Variants in MAOA observed in about 807,000 individuals in gnomAD.
MAOA encodes the protein monoamine oxidase A.
In MAOA, 6 loss-of-function variants were observed where a neutral mutation model predicts 42.0. That is an observed-to-expected ratio of 0.14 (90% confidence interval 0.08 to 0.28). The LOEUF is 0.28. MAOA is among the 10% of genes least tolerant of loss of function. MAOA has a pLI of 1.00. For missense variants in MAOA, 262 were observed against 422.3 expected (o/e 0.62, Z 3.33); for synonymous variants, 140 against 154.0 (o/e 0.91, Z 0.67).
chrX:43,664,921 G>A (rs1322030175), intron 1 of MAOA, among the ~76,000 whole-genome samples: 2 of 111,914 alleles, frequency 1.8e-5, no homozygotes, highest in African/African-American at 3.2e-5. Flanking sequence ...GTGCAGTTAT[G>A]TAAGAATTCT....
chrX:43,680,113 T>C (rs1022721175), intron 1 of MAOA, among the ~76,000 whole-genome samples: 4 of 112,017 alleles, frequency 3.6e-5, no homozygotes, highest in African/African-American at 6.5e-5. Context: ...AGTAGTGTAC[T>C]TGAAGGGCTC....
intron 1 of MAOA, among the ~76,000 whole-genome samples, chrX:43,666,829 G>A (rs1163671356): frequency 9.1e-6 from 1 of 110,168 alleles, no homozygotes; most frequent in African/African-American, 3.3e-5. Flanking sequence ...TAGCCTTACT[G>A]GTCTTTGAGC....
chrX:43,667,731 T>C (rs1314335477), intron 1 of MAOA, among the ~76,000 whole-genome samples: 2 of 111,547 alleles, frequency 1.8e-5, no homozygotes, highest in Non-Finnish European at 3.8e-5. Flanking sequence ...AAGATGACTC[T>C]TCATTCCACT....
intron 5 of MAOA, among the ~76,000 whole-genome samples, chrX:43,717,923 C>A (rs754239286): frequency 9.1e-6 from 1 of 109,459 alleles, no homozygotes; most frequent in East Asian, 2.9e-4. Flanking sequence ...GGAGACAAGG[C>A]AGACTGTATA....
intron 9 of MAOA, among the ~76,000 whole-genome samples, chrX:43,735,919 A>G (rs373368861): frequency 8.8e-6 from 1 of 113,062 alleles, no homozygotes; most frequent in East Asian, 2.8e-4. Context: ...TTACCAGAAT[A>G]ATCATTTAGC....
At chrX:43,701,664 A>G (rs986719750) in intron 3 of MAOA, among the ~76,000 whole-genome samples, 11 of 112,003 alleles carry the variant, frequency 9.8e-5, no homozygotes, top group Non-Finnish European at 1.7e-4. Flanking sequence ...GGGTTAAGTC[A>G]GACACAAAGG....
intron 7 of MAOA, 92 bp from the exon 8 acceptor site, chrX:43,731,602 T>G: frequency 1.0e-6 from 1 of 960,848 alleles, no homozygotes; most frequent in Non-Finnish European, 1.5e-6. Context: ...TACTGCTCAA[T>G]GTTGTTTAGA....
intron 5 of MAOA, among the ~76,000 whole-genome samples, chrX:43,727,022 TTGC>T (rs1226483813): frequency 1.8e-5 from 2 of 111,927 alleles, no homozygotes; most frequent in Admixed American, 9.4e-5. Flanking sequence ...ACAGCAACTA[TTGC>T]TGCCTGATCC....
chrX:43,720,966 A>C (rs1292031090), intron 5 of MAOA, among the ~76,000 whole-genome samples: 1 of 111,057 alleles, frequency 9.0e-6, no homozygotes, highest in Non-Finnish European at 1.9e-5. Context: ...AATGAGACAC[A>C]CTTGCTGAGG....
chrX:43,690,099 A>G (rs911530298), intron 2 of MAOA, among the ~76,000 whole-genome samples: 5 of 109,214 alleles, frequency 4.6e-5, no homozygotes, highest in African/African-American at 1.7e-4. Flanking sequence ...TTTTTTATTT[A>G]TCATTCTTTG....
chrX:43,744,927 T>G lies in MAOA; in HGVS notation c.*414T>G, dbSNP rs1316162264. 3 of 217,147 alleles carry G rather than the reference T, an allele frequency of 1.4e-5. No individual in the cohort carries two copies. Among genetic ancestry groups the G allele is most frequent in the Non-Finnish European group, 2.5e-5 (3 of 118,210 alleles). 17.9% of individuals were successfully genotyped at this position (217,147 alleles called of 1,213,427 possible). A position where few individuals can be genotyped will look rare whatever the true frequency, so the allele number is the denominator to read the frequency against. ...TAGGTGAAGGCCCAGCCTGTAACTG[T>G]CCTTTTTCTTCCCTTAGGCAATGGT... On this transcript the variant is annotated 3_prime_UTR_variant, in exon 15 of 15. Transcript: ENST00000338702.
intron 3 of MAOA, among the ~76,000 whole-genome samples, chrX:43,696,291 C>T (rs781594824): frequency 1.8e-5 from 2 of 112,047 alleles, no homozygotes; most frequent in South Asian, 7.5e-4. Context: ...GGGAGAACTG[C>T]TCAACTCTAC....
At chrX:43,726,359 C>T (rs1162298579) in intron 5 of MAOA, among the ~76,000 whole-genome samples, 1 of 111,693 alleles carries the variant, frequency 9.0e-6, no homozygotes, top group East Asian at 2.8e-4. Flanking sequence ...TTCTTGGAGG[C>T]TTTGTTTGTT....
intron 3 of MAOA, among the ~76,000 whole-genome samples, chrX:43,710,096 T>C (rs2033688646): frequency 8.9e-6 from 1 of 112,531 alleles, no homozygotes; most frequent in African/African-American, 3.2e-5. Flanking sequence ...GCCGCTGGGC[T>C]TTAGTTTCCT....
chrX:43,686,577 T>C (rs2033489343), intron 2 of MAOA, among the ~76,000 whole-genome samples: 1 of 112,077 alleles, frequency 8.9e-6, no homozygotes, highest in South Asian at 3.7e-4. Context: ...GGCAGGTGGA[T>C]CACTTGAGCT....
chrX:43,735,233 C>A (rs1488831928), intron 9 of MAOA, among the ~76,000 whole-genome samples: 3 of 111,760 alleles, frequency 2.7e-5, no homozygotes, highest in Non-Finnish European at 5.6e-5. Flanking sequence ...CACTGATCTA[C>A]CTGTCCTTTT....
chrX:43,656,182 A>C (rs1037830043), upstream of MAOA: 12 of 484,335 alleles, frequency 2.5e-5, no homozygotes, highest in African/African-American at 1.2e-4. Flanking sequence ...GAGTATCAGC[A>C]AAAGGGTTCG....
At position 43,740,715 on chromosome X, in the gene MAOA, C is replaced by T; in HGVS notation, c.1141C>T (p.Leu381=). The part of the protein sequence containing the change: ...KKICELYAKV[L]GSQEALHPVH... ...AATCTGTGAGCTCTATGCCAAAGTGCTGGGATCCCAAGAAGCTTTACATGT... is the reference window on the plus strand; with the variant it reads ...AATCTGTGAGCTCTATGCCAAAGTGTTGGGATCCCAAGAAGCTTTACATGT... The change falls in exon 11 of 15, where the codon CTG becomes TTG. Residue 381 remains leucine (L), a synonymous_variant. Coordinates refer to ENST00000338702, the MANE Select transcript of MAOA (RefSeq NM_000240.4). 8.3e-7 allele frequency: 1 copy of T among 1,198,842 alleles called. No individual in the cohort carries two copies. Among genetic ancestry groups the T allele is most frequent in the Non-Finnish European group, 1.1e-6 (1 of 888,562 alleles).
intron 3 of MAOA, among the ~76,000 whole-genome samples, chrX:43,700,326 C>A (rs183042810): frequency 8.9e-6 from 1 of 112,069 alleles, no homozygotes; most frequent in Non-Finnish European, 1.9e-5. Flanking sequence ...GTGAACCCTT[C>A]TAGTAAACTG....
Sources: gnomAD v4.1 joint callset for allele counts (sites outside exome capture counted in the v4.1 genomes callset) on GRCh38, gnomAD v4.1.1 for gene constraint, MANE v1.5 for transcripts, NCBI Gene and HGNC (gene_info 2026-07-23, HGNC 2026-07-21) for gene names.